The following GPRC5B variants were observed in gnomAD, a reference collection of about 807,000 sequenced individuals.
GPRC5B encodes the protein G protein-coupled receptor family C group 5 member B.
GPRC5B carries 16 observed loss-of-function variants against 30.1 expected under a neutral mutation model. That is an observed-to-expected ratio of 0.53 (90% CI 0.36 to 0.81). The LOEUF is 0.81. GPRC5B is among the 30% of genes least tolerant of loss of function. The pLI, the probability that GPRC5B is intolerant of heterozygous loss-of-function variation, is 0.01. For missense variants in GPRC5B, 428 were observed against 544.7 expected (o/e 0.79, Z 2.13); for synonymous variants, 241 against 239.5 (o/e 1.01, Z -0.06).
intron 2 of GPRC5B, among the ~76,000 whole-genome samples, chr16:19,864,256 G>A (rs996825142): frequency 7.9e-5 from 12 of 152,220 alleles, no homozygotes; most frequent in Admixed American, 3.9e-4. Context: ...CTAGCAAGAA[G>A]CAAAAAGTTG....
chr16:19,876,667 G>A (rs1159018665), intron 1 of GPRC5B, among the ~76,000 whole-genome samples: 1 of 152,224 alleles, frequency 6.6e-6, no homozygotes, highest in African/African-American at 2.4e-5. Context: ...TGGCGACCAA[G>A]CTTCTGAAAT....
chr16:19,885,434 C>T, upstream of GPRC5B: 3 of 1,140,424 alleles, frequency 2.6e-6, no homozygotes, highest in Non-Finnish European at 3.3e-6. This position sits in a 1 kb window ranked among gnomAD's most constrained non-coding sequence, Gnocchi z 5.3. Flanking sequence ...CCTGGACACA[C>T]TCTTCTCTCT....
In GPRC5B at chr16:19,857,035, C is replaced by A. The variant is rs1403052709; in HGVS notation, c.*3465G>T. 2.3e-5 allele frequency: 4 copies of A among 171,002 alleles called. No individual in the cohort carries two copies. The highest frequency in any genetic ancestry group is 4.9e-5 in the Non-Finnish European group (4 of 81,010). 10.6% of individuals were successfully genotyped at this position (171,002 alleles called of 1,614,324 possible). On this transcript the variant is annotated 3_prime_UTR_variant, in exon 4 of 4. Transcript: ENST00000300571. ...ATGATCATTTCCAAAGGAGACCACT[C>A]CTTAACTTTTACTGCAAACCCAACA... is the stretch of plus-strand genomic sequence containing the variant.
chr16:19,861,743 C>T, intron 3 of GPRC5B, 94 bp downstream of exon 3: 2 of 1,036,380 alleles, frequency 1.9e-6, no homozygotes, highest in Non-Finnish European at 2.9e-6. Flanking sequence ...GCCACATGGG[C>T]AGCCTCCATG....
chr16:19,884,117 T>G (rs1261918703), intron 1 of GPRC5B, among the ~76,000 whole-genome samples: 2 of 20,510 alleles, frequency 9.8e-5, no homozygotes, highest in Non-Finnish European at 1.9e-4. Flanking sequence ...CGCCCCCTCC[T>G]CCCCACCCCT....
rs748743156 is a variant in GPRC5B at position 19,872,441 on chromosome 16, G to C, written c.405C>G (p.Leu135=). Residue 135 remains leucine (L), a synonymous_variant, in exon 2 of 4, where the codon CTC becomes CTG. Coordinates refer to ENST00000300571, the MANE Select transcript of GPRC5B (RefSeq NM_016235.3). This position sits in a 1 kb window ranked among gnomAD's most constrained non-coding sequence, Gnocchi z 5.0. The part of the protein sequence containing the change: ...RRFLWGVLFA[L]CFSCLLSQAW... Reference sequence around the variant, plus strand: ...CCTGGCTCAGCAGGCAGGAGAAGCAGAGCGCAAAGAGGACGCCCCAGAGGA... The same window carrying C: ...CCTGGCTCAGCAGGCAGGAGAAGCACAGCGCAAAGAGGACGCCCCAGAGGA... 6.2e-7 allele frequency: 1 copy of C among 1,613,988 alleles called. No homozygotes were observed. Among genetic ancestry groups the C allele is most frequent in the South Asian group, 1.1e-5 (1 of 91,080 alleles).
At chr16:19,864,902 C>G (rs1037538915) in intron 2 of GPRC5B, among the ~76,000 whole-genome samples, 7 of 149,724 alleles carry the variant, frequency 4.7e-5, no homozygotes, top group Admixed American at 1.4e-4. Context: ...GGGAGCTTTG[C>G]CCGGTCTCAT....
At chr16:19,862,067 C>T in intron 2 of GPRC5B, 94 bp from the exon 3 acceptor site, 1 of 1,125,634 alleles carries the variant, frequency 8.9e-7, no homozygotes. Context: ...CCGGGCACCC[C>T]CATCCACCCA....
chr16:19,858,371 GCT>G lies in GPRC5B; in HGVS notation c.*2127_*2128del. 2.1e-6 allele frequency: 1 copy of G among 473,682 alleles called. No individual in the cohort carries two copies. The highest frequency in any genetic ancestry group is 3.7e-5 in the Admixed American group (1 of 27,040). 29.3% of individuals were successfully genotyped at this position (473,682 alleles called of 1,614,324 possible). ...TGAGGCTTCCCATGGCTCAAAGATGGCTCTGTTCTTATGCTGGGGAAGCACGA... is the reference window on the plus strand; with the variant it reads ...TGAGGCTTCCCATGGCTCAAAGATGGCTGTTCTTATGCTGGGGAAGCACGA... On this transcript the variant is annotated 3_prime_UTR_variant, in exon 4 of 4. Transcript: ENST00000300571.
intron 1 of GPRC5B, among the ~76,000 whole-genome samples, chr16:19,876,240 G>A (rs1364905021): frequency 6.6e-6 from 1 of 152,196 alleles, no homozygotes; most frequent in African/African-American, 2.4e-5. Flanking sequence ...ATTTGGCAAT[G>A]TCTAGAGACA....
At chr16:19,879,079 C>T (rs2056782916) in intron 1 of GPRC5B, among the ~76,000 whole-genome samples, 1 of 152,146 alleles carries the variant, frequency 6.6e-6, no homozygotes, top group Non-Finnish European at 1.5e-5. Flanking sequence ...TGCCCACGAT[C>T]CACTGTGCCC....
intron 1 of GPRC5B, among the ~76,000 whole-genome samples, chr16:19,873,246 C>T (rs371604615): frequency 3.5e-4 from 54 of 152,128 alleles, no homozygotes; most frequent in African/African-American, 1.1e-3. Context: ...GGGCGGATCA[C>T]GAGGTCAGGA....
At chr16:19,883,480 G>T (rs766074814) in intron 1 of GPRC5B, among the ~76,000 whole-genome samples, 22 of 152,166 alleles carry the variant, frequency 1.4e-4, no homozygotes, top group Non-Finnish European at 3.1e-4. Flanking sequence ...TGGATCCTCC[G>T]CAAGCCCGAG....
At chr16:19,873,635 A>G (rs929502789) in intron 1 of GPRC5B, among the ~76,000 whole-genome samples, 4 of 152,284 alleles carry the variant, frequency 2.6e-5, no homozygotes, top group African/African-American at 9.6e-5. Context: ...TCCAGTCCTC[A>G]CAATGCCCTG....
intron 1 of GPRC5B, among the ~76,000 whole-genome samples, chr16:19,882,570 C>T (rs1203223832): frequency 6.6e-6 from 1 of 152,160 alleles, no homozygotes; most frequent in Non-Finnish European, 1.5e-5. Flanking sequence ...AAAGCGGTCC[C>T]CCAAGGCTGG....
At chr16:19,881,739 G>A (rs1634674) in intron 1 of GPRC5B, among the ~76,000 whole-genome samples, 24,119 of 152,202 alleles carry the variant, frequency 0.16, 2,182 homozygotes, top group Non-Finnish European at 0.2. Flanking sequence ...CCGAGATTGC[G>A]CCACTGCACT....
intron 2 of GPRC5B, among the ~76,000 whole-genome samples, chr16:19,864,589 C>T (rs192913635): frequency 1.3e-5 from 2 of 152,360 alleles, no homozygotes; most frequent in African/African-American, 2.4e-5. Flanking sequence ...CCCTTCCCAC[C>T]GCATGAGCAT....
rs1052804446 is a variant in GPRC5B at position 19,871,962 on chromosome 16, G to C, written c.884C>G (p.Thr295Ser). The C allele has an allele frequency of 1.2e-6, 2 of 1,614,014 alleles. No homozygotes were observed. The highest frequency in any genetic ancestry group is 1.7e-6 in the Non-Finnish European group (2 of 1,180,046). The change falls in exon 2 of 4, where the codon ACC (threonine) becomes AGC (serine). Residue 295 changes from threonine (T) to serine (S), a missense_variant. Around this residue, in one of 3 missense-constraint regions of GPRC5B, gnomAD observed 213 missense variants for 229.1 expected, o/e 0.93. Transcript: ENST00000300571. ...GTTCTCCTGCAGGGCTGGCAGAAGG[G>C]TGCAGTGGATCTCAGGGATGGCGTG... ...IFHAIPEIHC[T>S]LLPALQENTP...
rs190450425 is a variant in GPRC5B, at chr16:19,858,764, C to T, written c.*1736G>A. The T allele has an allele frequency of 3.4e-3, 1,367 of 405,858 alleles. 4 individuals are homozygous for T. The highest frequency in any genetic ancestry group is 5.2e-3 in the Non-Finnish European group (1,191 of 230,838). 25.1% of individuals were successfully genotyped at this position (405,858 alleles called of 1,614,324 possible). A position where few individuals can be genotyped will look rare whatever the true frequency, so the allele number is the denominator to read the frequency against. On this transcript the variant is annotated 3_prime_UTR_variant, in exon 4 of 4. Transcript: ENST00000300571. ...TCTAGAAGCAAGCACATGCTCTGGGCAGAGGCGGGGTGCTTCCGGGGAGGT... is the reference window on the plus strand; with the variant it reads ...TCTAGAAGCAAGCACATGCTCTGGGTAGAGGCGGGGTGCTTCCGGGGAGGT...
Sources: gnomAD v4.1 joint callset for allele counts (sites outside exome capture counted in the v4.1 genomes callset) on GRCh38, gnomAD v4.1.1 for gene constraint, gnomAD v4.1.1 regional missense constraint, Gnocchi (gnomAD v3.1) non-coding constraint, MANE v1.5 for transcripts, NCBI Gene and HGNC (gene_info 2026-07-23, HGNC 2026-07-21) for gene names.